The following SUN1 variants were observed in gnomAD, a reference collection of about 807,000 sequenced individuals.
SUN1 encodes SUN domain-containing protein 1.
Under a neutral mutation model 103.2 loss-of-function variants are expected in SUN1, and 61 were observed. The ratio of observed to expected loss-of-function variants is 0.59; its 90% CI spans 0.48 to 0.73. SUN1 has a LOEUF of 0.73. Ranked by LOEUF, SUN1 falls within the 30% of genes least tolerant of loss-of-function variation. SUN1 has a pLI of 0.00. For missense variants in SUN1, 1,052 were observed against 1,034.6 expected (o/e 1.02, Z -0.23); for synonymous variants, 490 against 425.7 (o/e 1.15, Z -1.86).
intron 5 of SUN1, 160 bp from the exon 6 acceptor site, chr7:851,224 C>G: frequency 1.8e-6 from 1 of 556,206 alleles, no homozygotes; most frequent in East Asian, 3.0e-5. Flanking sequence ...ATTGCCAGCA[C>G]TTACAAGAGT....
At position 851,805 on chromosome 7, in the gene SUN1, G is replaced by T. The variant is rs1822430433; in HGVS notation, c.758-145G>T. The T allele has an allele frequency of 5.3e-6, 4 of 755,640 alleles. No individual in the cohort carries two copies. In the East Asian group the frequency reaches 1.1e-4, roughly 20 times the overall value. 46.8% of individuals were successfully genotyped at this position (755,640 alleles called of 1,614,324 possible). Reference sequence around the variant, plus strand: ...ATGATACGTTACTGCCTTGCTTCCTGCCGTGGCGACTAGCATCACCGAACT... The same window carrying T: ...ATGATACGTTACTGCCTTGCTTCCTTCCGTGGCGACTAGCATCACCGAACT... On this transcript the variant is annotated intron_variant, in intron 6 of 18. Transcript: ENST00000401592.
upstream of SUN1, chr7:816,393 T>C (rs28534528): frequency 6.4e-6 from 1 of 156,836 alleles, no homozygotes; most frequent in East Asian, 2.6e-4. Flanking sequence ...TACCGGGACG[T>C]GGCCTCGCCC....
upstream of SUN1, chr7:815,776 C>T (rs1780172960): frequency 4.7e-6 from 1 of 212,484 alleles, no homozygotes. Context: ...CGTGCAGACC[C>T]CACACATTCC....
chr7:815,584 A>C (rs529538092), upstream of SUN1, among the ~76,000 whole-genome samples: 8 of 152,296 alleles, frequency 5.3e-5, no homozygotes, highest in African/African-American at 1.9e-4. Flanking sequence ...TCTCAAAAAA[A>C]AAACAAAAGA....
chr7:842,169 T>A (rs1247963530), intron 3 of SUN1, 39 bp downstream of exon 3: 1 of 1,597,296 alleles, frequency 6.3e-7, no homozygotes, highest in Middle Eastern at 1.7e-4. Context: ...CGCCTACAGT[T>A]GGGGTGTTTC....
At chr7:871,512 C>G (rs967618845) in intron 17 of SUN1, among the ~76,000 whole-genome samples, 1 of 152,162 alleles carries the variant, frequency 6.6e-6, no homozygotes, top group Non-Finnish European at 1.5e-5. Flanking sequence ...CTCAGCCTCC[C>G]GAGTAGCCGG....
intron 2 of SUN1, among the ~76,000 whole-genome samples, chr7:840,356 C>T (rs1808131377): frequency 6.6e-6 from 1 of 152,242 alleles, no homozygotes; most frequent in African/African-American, 2.4e-5. Flanking sequence ...CGCACAGCAG[C>T]CCAGTCTCCG....
At chr7:861,234 G>A in intron 14 of SUN1, 146 bp from the exon 15 acceptor site, 1 of 756,322 alleles carries the variant, frequency 1.3e-6, no homozygotes, top group African/African-American at 1.7e-5. Context: ...GTGTGGAGTT[G>A]ACTTCTGCCA....
intron 3 of SUN1, chr7:842,933 C>A: frequency 1.7e-6 from 1 of 576,792 alleles, no homozygotes; most frequent in East Asian, 3.0e-5. Flanking sequence ...ATGGGCTTTC[C>A]TCTCCTTCCC....
At chr7:872,668 C>A in intron 18 of SUN1, 106 bp downstream of exon 18, 2 of 864,832 alleles carry the variant, frequency 2.3e-6, no homozygotes, top group Non-Finnish European at 3.6e-6. Flanking sequence ...TGAGGACCAT[C>A]CTTTGAAAAA....
chr7:868,118 C>T (rs976317515), intron 16 of SUN1, among the ~76,000 whole-genome samples: 1 of 152,212 alleles, frequency 6.6e-6, no homozygotes. Flanking sequence ...CCGGCGGGTA[C>T]GTGCCCATCG....
At chr7:866,191 C>G (rs1287556410) in intron 16 of SUN1, 124 bp downstream of exon 16, 1 of 792,982 alleles carries the variant, frequency 1.3e-6, no homozygotes, top group East Asian at 2.7e-5. Context: ...ACTGGTACCA[C>G]AAGAAGTGGC....
intron 17 of SUN1, among the ~76,000 whole-genome samples, chr7:872,076 C>T (rs557548805): frequency 3.3e-5 from 5 of 152,226 alleles, no homozygotes; most frequent in Non-Finnish European, 7.3e-5. Context: ...GCCCCTCCTC[C>T]TGCTGGTGAG....
intron 7 of SUN1, 137 bp from the exon 8 acceptor site, chr7:852,472 C>G (rs1452317880): frequency 2.0e-6 from 2 of 991,944 alleles, no homozygotes; most frequent in Non-Finnish European, 3.1e-6. Flanking sequence ...CATCAGAAGC[C>G]TTGTAGATAA....
At chr7:820,196 T>A (rs1384999640) in intron 1 of SUN1, among the ~76,000 whole-genome samples, 4 of 152,234 alleles carry the variant, frequency 2.6e-5, no homozygotes, top group Middle Eastern at 3.2e-3. Context: ...TAACAGTCTT[T>A]CCATCCATGT....
At chr7:860,455 G>C in intron 14 of SUN1, 73 bp downstream of exon 14, 1 of 1,572,392 alleles carries the variant, frequency 6.4e-7, no homozygotes. Flanking sequence ...TAGCTGTGAG[G>C]TGTGGATGTT....
chr7:847,418 G>T (rs9770871), intron 5 of SUN1, among the ~76,000 whole-genome samples: 1 of 147,278 alleles, frequency 6.8e-6, no homozygotes, highest in Non-Finnish European at 1.5e-5. Flanking sequence ...GGGTTACCCC[G>T]CAGCACCCTC....
At chr7:848,604 A>G (rs747803289) in intron 5 of SUN1, 4 of 1,337,772 alleles carry the variant, frequency 3.0e-6, no homozygotes, top group East Asian at 4.7e-5. Context: ...TCAAAAAGCC[A>G]TGAATCAAAA....
intron 15 of SUN1, among the ~76,000 whole-genome samples, chr7:863,486 T>C (rs1833931815): frequency 6.6e-6 from 1 of 152,236 alleles, no homozygotes; most frequent in Non-Finnish European, 1.5e-5. Context: ...ACTGGACTTG[T>C]TTTTTATGCT....
Sources: allele counts gnomAD v4.1 joint callset (sites outside exome capture counted in the v4.1 genomes callset), GRCh38; gene constraint gnomAD v4.1.1; transcripts MANE v1.5; gene names NCBI Gene and HGNC (gene_info 2026-07-23, HGNC 2026-07-21).